POLR3C: variants seen among roughly 807,000 people sequenced by gnomAD.
The protein encoded by POLR3C is RNA polymerase III subunit C.
In POLR3C, 44 loss-of-function variants were observed where a neutral mutation model predicts 65.9. The ratio of observed to expected loss-of-function variants is 0.67; its 90% CI spans 0.52 to 0.86. The LOEUF is 0.86. POLR3C is among the 40% of genes least tolerant of loss of function. The probability of loss-of-function intolerance (pLI) is 0.00; values close to 1 mark genes in which losing one functional copy is unlikely to be tolerated. For synonymous variants in POLR3C, 263 were observed against 231.6 expected (o/e 1.14, Z -1.23); for missense variants, 576 against 653.2 (o/e 0.88, Z 1.29).
intron 7 of POLR3C, among the ~76,000 whole-genome samples, chr1:145,835,999 G>A (rs1400259190): frequency 5.3e-5 from 8 of 152,038 alleles, no homozygotes; most frequent in Admixed American, 2.6e-4. Flanking sequence ...CTTAATGGCC[G>A]TGCTATATTT....
rs1324611500 is a variant in POLR3C at position 145,843,250 on chromosome 1, A to G, written c.*830A>G. Among the ~76,000 whole-genome samples, 1 of 152,224 alleles carries G rather than the reference A, an allele frequency of 6.6e-6. No individual in the cohort carries two copies. The highest frequency in any genetic ancestry group is 1.5e-5 in the Non-Finnish European group (1 of 68,038). Reference sequence around the variant, plus strand: ...CTAGCTCAATGCCTGGCATATGGTAAGCACACAGTAAATTAGCGCCTTCCT... The same window carrying G: ...CTAGCTCAATGCCTGGCATATGGTAGGCACACAGTAAATTAGCGCCTTCCT... On this transcript the variant is annotated 3_prime_UTR_variant, in exon 15 of 15. Coordinates refer to ENST00000334163, the MANE Select transcript of POLR3C (RefSeq NM_006468.8).
At chr1:145,841,181 C>A in intron 14 of POLR3C, 110 bp downstream of exon 14, 1 of 818,260 alleles carries the variant, frequency 1.2e-6, no homozygotes. Flanking sequence ...TCACTGTCTC[C>A]TCCAGCTCAC....
At position 145,842,819 on chromosome 1, in the gene POLR3C, TTTG is replaced by T. The variant is rs1414538277; in HGVS notation, c.*409_*411del. On this transcript the variant is annotated 3_prime_UTR_variant, in exon 15 of 15. Transcript: ENST00000334163. ...GATAGATAGATAGATAGATAGATAA[TTTG>T]TTGTTGTTGAGACAGGATCTCACTC... Among the ~76,000 whole-genome samples the T allele has an allele frequency of 5.2e-5, 4 of 76,236 alleles. No homozygotes were observed. The highest frequency in any genetic ancestry group is 4.7e-3 in the Middle Eastern group (1 of 212). The allele number at this position is 76,236 out of a possible 152,430, so 50.0% of individuals were successfully genotyped here.
At position 145,826,514 on chromosome 1, in the gene POLR3C, C is replaced by T. The variant is rs782024535; in HGVS notation, c.208C>T (p.Arg70Cys). 9 of 1,613,614 alleles carry T rather than the reference C, an allele frequency of 5.6e-6. No homozygotes were observed. Among genetic ancestry groups the T allele is most frequent in the East Asian group, 2.2e-5 (1 of 44,880 alleles). The change falls in exon 3 of 15, where the codon CGT (arginine) becomes TGT (cysteine). Residue 70 changes from arginine (R) to cysteine (C), a missense_variant. By Grantham distance (180) the Arg-to-Cys change is radical (BLOSUM62 -3). Transcript: ENST00000334163. ...HNLVSYQVHK[R>C]GVVEYEAQCS... ...CCTGGTGAGTTATCAAGTGCACAAA[C>T]GTGGTGTGGTGGAGTATGAAGCCCA... is the stretch of plus-strand genomic sequence containing the variant.
At chr1:145,828,443 A>C (rs1235757974) in intron 4 of POLR3C, among the ~76,000 whole-genome samples, 1 of 152,172 alleles carries the variant, frequency 6.6e-6, no homozygotes, top group Non-Finnish European at 1.5e-5. Flanking sequence ...TGAAAGAGAG[A>C]GGGTGAAGGA....
At position 145,824,593 on chromosome 1, in the gene POLR3C, T is replaced by C. The variant is rs587699910; in HGVS notation, c.-21+224T>C. The C allele has an allele frequency of 9.3e-6, 11 of 1,179,724 alleles. No homozygotes were observed. The Admixed American group carries it at 2.6e-4, about 27-fold the overall frequency. The allele number at this position is 1,179,724 out of a possible 1,614,324, so 73.1% of individuals were successfully genotyped here. A position where few individuals can be genotyped will look rare whatever the true frequency, so the allele number is the denominator to read the frequency against. ...GGGGTGGGGACGGGGAGGCAAAGAC[T>C]TGGCTTCTTAGGAATTGGAAGAAAT... On this transcript the variant is annotated intron_variant, in intron 1 of 14. Coordinates refer to ENST00000334163, the MANE Select transcript of POLR3C (RefSeq NM_006468.8).
Position 145,826,702 on chromosome 1 carries a change from C to T in POLR3C, c.396C>T (p.Thr132=). ...AAGTGGCAGACCGGCTCACAGAGAC[C>T]ATGGAGGGTCAGTATGGTATCCATA... ...VKKVADRLTE[T]MEDGKTMDYA... Residue 132 remains threonine, a synonymous_variant, in exon 3 of 15, where the codon ACC becomes ACT. Transcript: ENST00000334163. 1.2e-6 allele frequency: 2 copies of T among 1,614,122 alleles called. No individual in the cohort carries two copies. Among genetic ancestry groups the T allele is most frequent in the Non-Finnish European group, 1.7e-6 (2 of 1,180,006 alleles).
In POLR3C at chr1:145,843,798, G is replaced by A. The variant is rs587607527; in HGVS notation, c.*1378G>A. Among the ~76,000 whole-genome samples, 9 of 152,210 alleles carry A rather than the reference G, an allele frequency of 5.9e-5. No homozygotes were observed. The highest frequency in any genetic ancestry group is 1.0e-4 in the Non-Finnish European group (7 of 68,014). On this transcript the variant is annotated 3_prime_UTR_variant, in exon 15 of 15. Coordinates refer to ENST00000334163, the MANE Select transcript of POLR3C (RefSeq NM_006468.8). Reference sequence around the variant, plus strand: ...TGCAAACTATCTTAACAAGGGATTCGTAACCAGAATATATAAGGAGCTCAA... The same window carrying A: ...TGCAAACTATCTTAACAAGGGATTCATAACCAGAATATATAAGGAGCTCAA...
In POLR3C at chr1:145,833,567, A is replaced by G; in HGVS notation, c.861A>G (p.Pro287=). The G allele has an allele frequency of 6.2e-7, 1 of 1,606,544 alleles. No individual in the cohort carries two copies. The highest frequency in any genetic ancestry group is 8.5e-7 in the Non-Finnish European group (1 of 1,173,042). Residue 287 remains proline (P), a synonymous_variant, in exon 7 of 15, where the codon CCA becomes CCG. Coordinates refer to ENST00000334163, the MANE Select transcript of POLR3C (RefSeq NM_006468.8). ...TTSSSAPFTQ[P]LSSNEIFRSL... ...CCTCTAGTGCTCCCTTCACCCAGCC[A>G]TTGTCTTCCAATGAGGTGAGTTTCA... is the stretch of plus-strand genomic sequence containing the variant.
chr1:145,840,033 C>T (rs781914491), intron 12 of POLR3C, 42 bp downstream of exon 12: 6 of 1,492,974 alleles, frequency 4.0e-6, no homozygotes, highest in Non-Finnish European at 5.6e-6. Context: ...TCCATACGGT[C>T]AAGTACCCCT....
rs185502958 is a variant in POLR3C at position 145,825,761 on chromosome 1, C to G, written c.-16C>G. ...ATTTTGGTGTTTTTTCCCTAGCTCTCAGACTCCCCAGTACAATGACTCAAG... is the reference window on the plus strand; with the variant it reads ...ATTTTGGTGTTTTTTCCCTAGCTCTGAGACTCCCCAGTACAATGACTCAAG... On this transcript the variant is annotated 5_prime_UTR_variant, in exon 2 of 15. Coordinates refer to ENST00000334163, the MANE Select transcript of POLR3C (RefSeq NM_006468.8). 3.0e-5 allele frequency: 48 copies of G among 1,607,072 alleles called. No homozygotes were observed. Among genetic ancestry groups the G allele is most frequent in the Non-Finnish European group, 3.8e-5 (45 of 1,174,982 alleles).
In POLR3C at chr1:145,844,118, A is replaced by G. The variant is rs1279072975; in HGVS notation, c.*1698A>G. 1.3e-5 allele frequency among the ~76,000 whole-genome samples: 2 copies of G among 152,194 alleles called. No homozygotes were observed. Among genetic ancestry groups the G allele is most frequent in the East Asian group, 3.8e-4 (2 of 5,198 alleles). On this transcript the variant is annotated 3_prime_UTR_variant, in exon 15 of 15. Transcript: ENST00000334163. ...GAAGACTACAGAGGTTCCTCAAAAA[A>G]CTAAAAACAGAACTATGCTCCAGCA...
Position 145,825,795 on chromosome 1 carries a change from A to G in POLR3C, c.19A>G (p.Lys7Glu), listed in dbSNP as rs1559140227. 1.2e-6 allele frequency: 2 copies of G among 1,613,534 alleles called. No homozygotes were observed. The highest frequency in any genetic ancestry group is 1.7e-6 in the Non-Finnish European group (2 of 1,179,448). Residue 7 changes from lysine (K) to glutamate (E), a missense_variant, in exon 2 of 15, where the codon AAG becomes GAG. Physicochemically the swap from Lys to Glu is moderately conservative, Grantham distance 56 (BLOSUM62 1). Coordinates refer to ENST00000334163, the MANE Select transcript of POLR3C (RefSeq NM_006468.8). ...CAGTACAATGACTCAAGCAGAAATT[A>G]AGCTCTGTTCTTTGTTGCTGCAAGA... is the stretch of plus-strand genomic sequence containing the variant. MTQAEI[K>E]LCSLLLQEHF... is the part of the protein sequence containing the mutation.
intron 7 of POLR3C, among the ~76,000 whole-genome samples, chr1:145,835,703 A>G (rs1651760420): frequency 6.6e-6 from 1 of 151,912 alleles, no homozygotes; most frequent in South Asian, 2.1e-4. Context: ...CCTTCCGAGT[A>G]GCTGAGATCA....
At chr1:145,841,213 A>AT (rs1161246308) in intron 14 of POLR3C, 142 bp downstream of exon 14, 1 of 700,458 alleles carries the variant, frequency 1.4e-6, no homozygotes, top group Non-Finnish European at 2.5e-6. Flanking sequence ...TAATCCACCT[A>AT]TTTTTGTAAA....
intron 1 of POLR3C, 49 bp from the exon 2 acceptor site, chr1:145,825,708 T>A: frequency 8.1e-7 from 1 of 1,230,338 alleles, no homozygotes. Flanking sequence ...CAGCTCTGCT[T>A]CCAGCGTGAA....
In POLR3C at chr1:145,825,938, C is replaced by T; in HGVS notation, c.147+15C>T. On this transcript the variant is annotated intron_variant, in intron 2 of 14. Coordinates refer to ENST00000334163, the MANE Select transcript of POLR3C (RefSeq NM_006468.8). Reference sequence around the variant, plus strand: ...CACTGGATCAGGTATGTCTAAATGACATTCATTTTCTCTCATTTCTTTCAC... The same window carrying T: ...CACTGGATCAGGTATGTCTAAATGATATTCATTTTCTCTCATTTCTTTCAC... The T allele has an allele frequency of 6.3e-7, 1 of 1,580,128 alleles. No individual in the cohort carries two copies. Among genetic ancestry groups the T allele is most frequent in the Middle Eastern group, 1.7e-4 (1 of 5,978 alleles).
rs190521889 is a variant in POLR3C, at chr1:145,833,102, G to A, written c.679-158G>A. ...GAGCTTAGAAAACCTGTTTGAAGTC[G>A]GAATTTGTCTAGACACCAGTCTACA... is the stretch of plus-strand genomic sequence containing the variant. On this transcript the variant is annotated intron_variant, in intron 5 of 14. Coordinates refer to ENST00000334163, the MANE Select transcript of POLR3C (RefSeq NM_006468.8). Among the ~76,000 whole-genome samples the A allele has an allele frequency of 1.2e-4, 18 of 152,270 alleles. 1 individual carries two copies. In the East Asian group the frequency reaches 2.9e-3, roughly 24 times the overall value.
chr1:145,839,631 A>G (rs946478031), intron 11 of POLR3C: 13 of 352,302 alleles, frequency 3.7e-5, no homozygotes, highest in Non-Finnish European at 6.7e-5. Context: ...TACTTGGGGG[A>G]CTGAGGTGGG....
Sources: gnomAD v4.1 joint callset for allele counts (sites outside exome capture counted in the v4.1 genomes callset) on GRCh38, gnomAD v4.1.1 for gene constraint, MANE v1.5 for transcripts, NCBI Gene and HGNC (gene_info 2026-07-23, HGNC 2026-07-21) for gene names.